The following PDE10A variants were observed in gnomAD, a reference collection of about 807,000 sequenced individuals.
PDE10A encodes the protein cAMP and cAMP-inhibited cGMP 3',5'-cyclic phosphodiesterase 10A.
Under a neutral mutation model 97.7 loss-of-function variants are expected in PDE10A, and 39 were observed. The observed-to-expected ratio is 0.40, with a 90% CI of 0.31 to 0.52. PDE10A has a LOEUF of 0.52. Among genes scored for constraint, PDE10A ranks in the 20% least tolerant of loss-of-function variants. The pLI, the probability that PDE10A is intolerant of heterozygous loss-of-function variation, is 0.56. For missense variants in PDE10A, 731 were observed against 1,047.8 expected, an observed-to-expected ratio of 0.70 and a Z score of 4.17; for synonymous variants, 371 against 376.8, an observed-to-expected ratio of 0.98 and a Z score of 0.18.
intron 1 of PDE10A, among the ~76,000 whole-genome samples, chr6:165,852,514 C>G (rs1780598928): frequency 6.6e-6 from 1 of 152,272 alleles, no homozygotes; most frequent in South Asian, 2.1e-4. Context: ...TGAGATAAAT[C>G]ACTTGAAATC....
intron 1 of PDE10A, among the ~76,000 whole-genome samples, chr6:165,979,313 G>GA (rs1217643600): frequency 6.6e-6 from 1 of 152,220 alleles, no homozygotes; most frequent in African/African-American, 2.4e-5. Context: ...GTATGAAGCA[G>GA]AAGGGGAAGG....
At chr6:165,980,958 C>T (rs1023500503) in intron 1 of PDE10A, among the ~76,000 whole-genome samples, 3 of 152,074 alleles carry the variant, frequency 2.0e-5, no homozygotes, top group Admixed American at 6.6e-5. Flanking sequence ...GCCTGAGAAA[C>T]GTTTGTTCCA....
At chr6:165,445,146 G>C (rs1346946872) in intron 5 of PDE10A, among the ~76,000 whole-genome samples, 1 of 152,138 alleles carries the variant, frequency 6.6e-6, no homozygotes, top group Non-Finnish European at 1.5e-5. Context: ...CTGTGCAAAA[G>C]ATGTTTCATT....
intron 1 of PDE10A, among the ~76,000 whole-genome samples, chr6:165,569,450 G>A (rs1323394711): frequency 6.6e-6 from 1 of 152,158 alleles, no homozygotes; most frequent in African/African-American, 2.4e-5. Context: ...CCTTTCCAAT[G>A]TGCTTAAAAA....
chr6:165,861,642 G>T (rs1780908369), intron 1 of PDE10A, among the ~76,000 whole-genome samples: 1 of 151,988 alleles, frequency 6.6e-6, no homozygotes, highest in Non-Finnish European at 1.5e-5. Context: ...GGAGTTCGCT[G>T]GGAAGGGGAG....
intron 21 of PDE10A, 103 bp downstream of exon 21, chr6:165,336,020 G>A: frequency 1.1e-6 from 1 of 931,034 alleles, no homozygotes; most frequent in Non-Finnish European, 1.7e-6. Flanking sequence ...TCGACATCTA[G>A]ACAAACACAC....
At chr6:165,396,217 G>A (rs1456143067) in intron 14 of PDE10A, 100 bp downstream of exon 14, 2 of 1,059,626 alleles carry the variant, frequency 1.9e-6, no homozygotes, top group East Asian at 2.4e-5. Context: ...CATGTAATAT[G>A]TGTATAATAA....
intron 2 of PDE10A, among the ~76,000 whole-genome samples, chr6:165,537,545 T>C (rs143215921): frequency 2.6e-5 from 4 of 152,054 alleles, no homozygotes; most frequent in South Asian, 2.1e-4. Flanking sequence ...TTACTAAGTA[T>C]TCATAATAAT....
intron 18 of PDE10A, among the ~76,000 whole-genome samples, chr6:165,344,553 C>A (rs1360803176): frequency 1.3e-5 from 2 of 152,192 alleles, no homozygotes; most frequent in Non-Finnish European, 2.9e-5. Flanking sequence ...TGCCCTAGCT[C>A]CCGAGCCTGT....
At chr6:165,558,355 C>CA (rs1271113970) in intron 1 of PDE10A, among the ~76,000 whole-genome samples, 2 of 150,104 alleles carry the variant, frequency 1.3e-5, no homozygotes, top group African/African-American at 2.5e-5. Flanking sequence ...ATCACAAGGA[C>CA]AAAAAACCAA....
chr6:165,548,937 T>G (rs1218948128), intron 1 of PDE10A, among the ~76,000 whole-genome samples: 1 of 152,214 alleles, frequency 6.6e-6, no homozygotes, highest in Non-Finnish European at 1.5e-5. Context: ...AACCATATAT[T>G]TGAATAAATT....
intron 1 of PDE10A, among the ~76,000 whole-genome samples, chr6:165,574,094 T>C (rs557541922): frequency 1.8e-4 from 27 of 152,292 alleles, no homozygotes; most frequent in Middle Eastern, 3.4e-3. Context: ...CTGTTCAACA[T>C]ATGGCATTAA....
At chr6:165,736,136 A>G (rs925272623) in intron 1 of PDE10A, among the ~76,000 whole-genome samples, 1 of 152,214 alleles carries the variant, frequency 6.6e-6, no homozygotes, top group African/African-American at 2.4e-5. Context: ...TTAGTTACAT[A>G]GAAGGCACTC....
chr6:165,442,039 T>C (rs953823718), intron 5 of PDE10A, among the ~76,000 whole-genome samples: 2 of 152,218 alleles, frequency 1.3e-5, no homozygotes, highest in Admixed American at 6.5e-5. Flanking sequence ...TAAACATATA[T>C]ATTTCTTTTT....
At chr6:165,636,439 GAATC>G (rs1788880955) in intron 1 of PDE10A, among the ~76,000 whole-genome samples, 1 of 152,162 alleles carries the variant, frequency 6.6e-6, no homozygotes, top group Admixed American at 6.5e-5. Flanking sequence ...AGAATTTTGA[GAATC>G]AATCATTTAA....
At chr6:165,931,592 A>C (rs2128490774) in intron 1 of PDE10A, among the ~76,000 whole-genome samples, 1 of 152,324 alleles carries the variant, frequency 6.6e-6, no homozygotes, top group South Asian at 2.1e-4. Context: ...CAGGTGTTTA[A>C]GGTTTTGAAA....
At chr6:165,440,210 T>G (rs978909252) in intron 5 of PDE10A, among the ~76,000 whole-genome samples, 1 of 152,212 alleles carries the variant, frequency 6.6e-6, no homozygotes, top group African/African-American at 2.4e-5. Flanking sequence ...CTAACTTTGT[T>G]TCCATAATTC....
chr6:165,981,076 T>C (rs1012696751), intron 1 of PDE10A, among the ~76,000 whole-genome samples: 1 of 152,130 alleles, frequency 6.6e-6, no homozygotes, highest in African/African-American at 2.4e-5. Context: ...GAGGGTCAGG[T>C]GCATGTTTGT....
chr6:165,333,546 T>C (rs1474147521), intron 21 of PDE10A, among the ~76,000 whole-genome samples: 2 of 152,170 alleles, frequency 1.3e-5, no homozygotes, highest in African/African-American at 4.8e-5. Context: ...ATGTCGACAG[T>C]GCATCTCCCA....
Sources: allele counts gnomAD v4.1 joint callset (sites outside exome capture counted in the v4.1 genomes callset), GRCh38; gene constraint gnomAD v4.1.1; transcripts MANE v1.5; gene names NCBI Gene and HGNC (gene_info 2026-07-23, HGNC 2026-07-21).